TENM3: variants seen among roughly 807,000 people sequenced by gnomAD.
The protein encoded by TENM3 is teneurin transmembrane protein 3.
A neutral mutation model predicts 255.1 loss-of-function variants in TENM3; 63 were observed. The ratio of observed to expected loss-of-function variants is 0.25; its 90% confidence interval spans 0.20 to 0.30. TENM3 has a LOEUF of 0.30. TENM3 is among the 10% of genes least tolerant of loss of function. TENM3 has a pLI of 1.00. For synonymous variants in TENM3, 1,306 were observed against 1,322.3 expected, an observed-to-expected ratio of 0.99 and a Z score of 0.27; for missense variants, 2,929 against 3,461.1, an observed-to-expected ratio of 0.85 and a Z score of 3.86.
intron 1 of TENM3, among the ~76,000 whole-genome samples, chr4:182,178,727 G>C (rs1752669584): frequency 6.6e-6 from 1 of 152,124 alleles, no homozygotes. Context: ...TTCCTACAGT[G>C]TGTTTGAAGC....
At chr4:181,745,601 G>A in the TENM3 span, among the ~76,000 whole-genome samples, 2 of 152,142 alleles carry the variant, frequency 1.3e-5, no homozygotes, top group African/African-American at 4.8e-5. Context: ...CAAAGTAATT[G>A]CCATAAGTAA....
the TENM3 span, among the ~76,000 whole-genome samples, chr4:182,032,493 A>T: frequency 6.6e-6 from 1 of 152,028 alleles, no homozygotes; most frequent in African/African-American, 2.4e-5. Context: ...TTCATCGGGG[A>T]TATTGGCCTG....
chr4:181,700,266 A>G, the TENM3 span, among the ~76,000 whole-genome samples: 1 of 151,580 alleles, frequency 6.6e-6, no homozygotes, highest in Non-Finnish European at 1.5e-5. Flanking sequence ...AAGCATTCCT[A>G]ATATAAGTCA....
chr4:182,593,345 C>G (rs1274617942), intron 3 of TENM3, among the ~76,000 whole-genome samples: 2 of 152,132 alleles, frequency 1.3e-5, no homozygotes, highest in Admixed American at 1.3e-4. Context: ...GTTTCTGTCT[C>G]TCTGTCTGTC....
chr4:181,655,628 G>A, the TENM3 span, among the ~76,000 whole-genome samples: 4 of 152,202 alleles, frequency 2.6e-5, no homozygotes, highest in Admixed American at 2.6e-4. Context: ...CCCTTTCATA[G>A]TTTGGAATGG....
At chr4:181,890,300 T>G in the TENM3 span, among the ~76,000 whole-genome samples, 1 of 152,170 alleles carries the variant, frequency 6.6e-6, no homozygotes, top group Non-Finnish European at 1.5e-5. Context: ...GGGTTGATTG[T>G]GAACATGTGG....
intron 12 of TENM3, among the ~76,000 whole-genome samples, chr4:182,708,828 G>A (rs1442090635): frequency 1.3e-5 from 2 of 151,242 alleles, no homozygotes; most frequent in Admixed American, 6.6e-5. Flanking sequence ...GTGAGACCCA[G>A]AAAAGAGTAA....
At chr4:181,790,740 G>A in the TENM3 span, among the ~76,000 whole-genome samples, 3 of 152,180 alleles carry the variant, frequency 2.0e-5, no homozygotes, top group Admixed American at 6.5e-5. Flanking sequence ...TCAGTACCAA[G>A]AAATGGCTCT....
chr4:182,170,358 T>G (rs1777765902), intron 1 of TENM3, among the ~76,000 whole-genome samples: 1 of 152,198 alleles, frequency 6.6e-6, no homozygotes, highest in Non-Finnish European at 1.5e-5. Flanking sequence ...TTGTCTAAAC[T>G]ATTATGGTGT....
the TENM3 span, among the ~76,000 whole-genome samples, chr4:181,658,695 C>G: frequency 0.027 from 4,170 of 152,310 alleles, 90 homozygotes; most frequent in Non-Finnish European, 0.042. Flanking sequence ...GGCACTTTAC[C>G]TAGCACCTCA....
chr4:181,722,743 C>T, the TENM3 span, among the ~76,000 whole-genome samples: 1 of 152,088 alleles, frequency 6.6e-6, no homozygotes, highest in Admixed American at 6.5e-5. Context: ...AATCTGTCTC[C>T]TTTTTCAATC....
At chr4:181,514,818 C>A in the TENM3 span, among the ~76,000 whole-genome samples, 1 of 152,146 alleles carries the variant, frequency 6.6e-6, no homozygotes, top group South Asian at 2.1e-4. Context: ...GGCGTGGTAG[C>A]CACTCGGGAG....
At chr4:181,736,778 C>A in the TENM3 span, among the ~76,000 whole-genome samples, 2 of 152,010 alleles carry the variant, frequency 1.3e-5, no homozygotes, top group East Asian at 3.9e-4. Context: ...TTCATAACCC[C>A]CCAGTTCACC....
the TENM3 span, among the ~76,000 whole-genome samples, chr4:181,802,763 T>C: frequency 6.6e-6 from 1 of 152,200 alleles, no homozygotes; most frequent in Non-Finnish European, 1.5e-5. Context: ...CAACTCTTTA[T>C]AGTTCCATTT....
At chr4:181,628,765 C>A in the TENM3 span, among the ~76,000 whole-genome samples, 3 of 152,084 alleles carry the variant, frequency 2.0e-5, no homozygotes, top group East Asian at 1.9e-4. Context: ...AGTCAGGTAG[C>A]GTGATGCCTC....
At chr4:181,717,388 T>C in the TENM3 span, among the ~76,000 whole-genome samples, 1 of 152,258 alleles carries the variant, frequency 6.6e-6, no homozygotes, top group Non-Finnish European at 1.5e-5. Context: ...TCTTTTATTC[T>C]ATACATAACA....
chr4:181,876,837 G>A, the TENM3 span, among the ~76,000 whole-genome samples: 2 of 151,976 alleles, frequency 1.3e-5, no homozygotes, highest in Non-Finnish European at 2.9e-5. Context: ...TTCATAGATT[G>A]TATTCTCCTT....
chr4:182,320,695 A>G (rs1325946473), intron 1 of TENM3, among the ~76,000 whole-genome samples: 1 of 152,216 alleles, frequency 6.6e-6, no homozygotes, highest in Non-Finnish European at 1.5e-5. Context: ...GGGAGACACA[A>G]TTCAAACCAC....
chr4:181,690,030 A>G, the TENM3 span, among the ~76,000 whole-genome samples: 1 of 152,176 alleles, frequency 6.6e-6, no homozygotes, highest in East Asian at 1.9e-4. Context: ...CCATGTGCAT[A>G]TTGAACGTGT....
Sources: gnomAD v4.1 joint callset for allele counts (sites outside exome capture counted in the v4.1 genomes callset) on GRCh38, gnomAD v4.1.1 for gene constraint, MANE v1.5 for transcripts, NCBI Gene and HGNC (gene_info 2026-07-23, HGNC 2026-07-21) for gene names.